The following DARS1 variants were observed in gnomAD, a reference collection of about 807,000 sequenced individuals.
DARS1 encodes the protein aspartyl-tRNA synthetase 1.
In DARS1, 51 loss-of-function variants were observed where a neutral mutation model predicts 68.8. The observed-to-expected ratio is 0.74, with a 90% CI of 0.59 to 0.94. The LOEUF (loss-of-function observed/expected upper bound fraction) is 0.94, where lower values mean the gene tolerates loss of function less well. Among genes scored for constraint, DARS1 ranks in the 40% least tolerant of loss-of-function variants. The pLI, the probability that DARS1 is intolerant of heterozygous loss-of-function variation, is 0.00. For missense variants in DARS1, 607 were observed against 597.3 expected (o/e 1.02, Z -0.17); for synonymous variants, 203 against 190.4 (o/e 1.07, Z -0.55).
At chr2:135,925,768 C>T (rs1681200318) in intron 7 of DARS1, among the ~76,000 whole-genome samples, 1 of 152,066 alleles carries the variant, frequency 6.6e-6, no homozygotes, top group Admixed American at 6.5e-5. Context: ...TTTAGTGAAA[C>T]GTCTGGTTCA....
intron 12 of DARS1, among the ~76,000 whole-genome samples, chr2:135,912,804 T>A (rs1163401642): frequency 9.9e-6 from 1 of 101,300 alleles, no homozygotes; most frequent in Non-Finnish European, 1.9e-5. Context: ...AGTTTTTAAA[T>A]TTTTTTTTTT....
intron 3 of DARS1, among the ~76,000 whole-genome samples, chr2:135,977,048 G>A (rs1007117569): frequency 2.6e-5 from 4 of 152,166 alleles, no homozygotes; most frequent in African/African-American, 7.2e-5. Context: ...AAGAAAATAA[G>A]CAGTAGCACC....
At chr2:135,910,325 C>A (rs1265332592) in intron 15 of DARS1, among the ~76,000 whole-genome samples, 1 of 152,140 alleles carries the variant, frequency 6.6e-6, no homozygotes, top group Non-Finnish European at 1.5e-5. Flanking sequence ...CACATCCTTA[C>A]CAACAATTAT....
Position 135,948,698 on chromosome 2 carries a change from C to T in DARS1, c.321-5218G>A, listed in dbSNP as rs139223280. ...TGGCCAACATGGTGAAACCCCGTCT[C>T]CACTAAAAGTACACAAAAAAAATTT... On this transcript the variant is annotated intron_variant, in intron 4 of 15. Coordinates refer to ENST00000264161, the MANE Select transcript of DARS1 (RefSeq NM_001349.4). Among the ~76,000 whole-genome samples, 1,166 of 152,088 alleles carry T rather than the reference C, an allele frequency of 7.7e-3. 15 individuals are homozygous for T. The highest frequency in any genetic ancestry group is 0.026 in the African/African-American group (1,098 of 41,482).
rs1053823031 is a variant in DARS1, at chr2:135,985,492, A to C, written c.-24T>G. 2 of 1,613,856 alleles carry C rather than the reference A, an allele frequency of 1.2e-6. No homozygotes were observed. The highest frequency in any genetic ancestry group is 1.7e-6 in the Non-Finnish European group (2 of 1,179,900). On this transcript the variant is annotated 5_prime_UTR_variant, in exon 1 of 16. Transcript: ENST00000264161. Reference sequence around the variant, plus strand: ...ATCGGGACACGGAACTGGGCAGTGGACACCACCCTCCCTCGCAGGCTTCCG... The same window carrying C: ...ATCGGGACACGGAACTGGGCAGTGGCCACCACCCTCCCTCGCAGGCTTCCG...
chr2:135,915,793 C>A (rs2104796328), intron 11 of DARS1, among the ~76,000 whole-genome samples: 1 of 152,160 alleles, frequency 6.6e-6, no homozygotes, highest in African/African-American at 2.4e-5. Context: ...TTCTCTAATA[C>A]CACTAATCTG....
intron 15 of DARS1, chr2:135,910,761 G>C: frequency 6.4e-6 from 1 of 155,998 alleles, no homozygotes; most frequent in Non-Finnish European, 1.4e-5. Flanking sequence ...TTAAATTGCA[G>C]AGCAGTCCCT....
At chr2:135,974,134 G>A (rs1682446488) in intron 3 of DARS1, among the ~76,000 whole-genome samples, 1 of 152,106 alleles carries the variant, frequency 6.6e-6, no homozygotes. Context: ...ACTGTGAAAG[G>A]GACGCTTATT....
intron 3 of DARS1, among the ~76,000 whole-genome samples, chr2:135,968,993 A>G (rs1682302292): frequency 6.6e-6 from 1 of 152,100 alleles, no homozygotes; most frequent in African/African-American, 2.4e-5. Flanking sequence ...CATGGGAAAA[A>G]TAACGAAACC....
intron 4 of DARS1, among the ~76,000 whole-genome samples, chr2:135,951,908 C>A (rs925158248): frequency 1.3e-5 from 2 of 152,106 alleles, no homozygotes; most frequent in African/African-American, 4.8e-5. Flanking sequence ...TTATGTATTT[C>A]TTAACCATTC....
intron 5 of DARS1, 141 bp from the exon 6 acceptor site, chr2:135,934,131 A>G (rs921435852): frequency 7.2e-7 from 1 of 1,384,382 alleles, no homozygotes; most frequent in African/African-American, 1.5e-5. Context: ...AAATCAAACA[A>G]GATGATACAG....
At chr2:135,913,112 T>C (rs1466274446) in intron 12 of DARS1, among the ~76,000 whole-genome samples, 6 of 151,990 alleles carry the variant, frequency 3.9e-5, no homozygotes, top group African/African-American at 1.4e-4. Flanking sequence ...AATTACACTT[T>C]GATAAACATC....
At chr2:135,932,288 C>A (rs750626260) in intron 7 of DARS1, among the ~76,000 whole-genome samples, 3 of 152,080 alleles carry the variant, frequency 2.0e-5, no homozygotes, top group Non-Finnish European at 4.4e-5. Flanking sequence ...GCAACCAAAC[C>A]AGAAAGGGAA....
rs116755289 is a variant in DARS1, at chr2:135,967,642, C to T, written c.218-6144G>A. Among the ~76,000 whole-genome samples, 1,310 of 152,128 alleles carry T rather than the reference C, an allele frequency of 8.6e-3. 16 individuals are homozygous for T. Among genetic ancestry groups the T allele is most frequent in the African/African-American group, 0.028 (1,156 of 41,506 alleles). ...ACACTGCCCTTAAGGAAAAAATATACAGGCTTTTCTTGTTTTGTTTTTTTA... is the reference window on the plus strand; with the variant it reads ...ACACTGCCCTTAAGGAAAAAATATATAGGCTTTTCTTGTTTTGTTTTTTTA... On this transcript the variant is annotated intron_variant, in intron 3 of 15. Coordinates refer to ENST00000264161, the MANE Select transcript of DARS1 (RefSeq NM_001349.4).
intron 2 of DARS1, among the ~76,000 whole-genome samples, chr2:135,982,029 G>T (rs1251777204): frequency 7.2e-5 from 11 of 152,138 alleles, no homozygotes; most frequent in Admixed American, 7.2e-4. Flanking sequence ...TAACCTAGAG[G>T]TGTTTTATTT....
intron 5 of DARS1, among the ~76,000 whole-genome samples, chr2:135,937,663 G>A (rs1249598307): frequency 1.3e-5 from 2 of 152,170 alleles, no homozygotes; most frequent in African/African-American, 4.8e-5. Context: ...GCCTCCTTCA[G>A]GAGCTCTTAT....
chr2:135,946,525 A>C (rs1681725915), intron 4 of DARS1, among the ~76,000 whole-genome samples: 1 of 152,204 alleles, frequency 6.6e-6, no homozygotes, highest in Admixed American at 6.5e-5. Context: ...GAATGAAGGA[A>C]GTTGAATTAT....
intron 7 of DARS1, among the ~76,000 whole-genome samples, chr2:135,926,173 G>A (rs1247399050): frequency 6.6e-6 from 1 of 152,170 alleles, no homozygotes; most frequent in South Asian, 2.1e-4. Context: ...TTACAGGTGT[G>A]AGCCACGACG....
chr2:135,956,639 G>A (rs965470839), intron 4 of DARS1, among the ~76,000 whole-genome samples: 2 of 152,164 alleles, frequency 1.3e-5, no homozygotes, highest in African/African-American at 4.8e-5. Flanking sequence ...GTCAATGAGG[G>A]ACTCTTTGTC....
Sources: gnomAD v4.1 joint callset for allele counts (sites outside exome capture counted in the v4.1 genomes callset) on GRCh38, gnomAD v4.1.1 for gene constraint, MANE v1.5 for transcripts, NCBI Gene and HGNC (gene_info 2026-07-23, HGNC 2026-07-21) for gene names.